The following DARS1 variants were observed in gnomAD, a reference collection of about 807,000 sequenced individuals.
DARS1 encodes the protein aspartate--tRNA ligase, cytoplasmic.
Under a neutral mutation model 68.8 loss-of-function variants are expected in DARS1, and 51 were observed. The observed-to-expected ratio is 0.74, with a 90% CI of 0.59 to 0.94. The LOEUF is 0.94. DARS1 is among the 40% of genes least tolerant of loss of function. The pLI is 0.00. For missense variants in DARS1, 607 were observed against 597.3 expected, an observed-to-expected ratio of 1.02 and a Z score of -0.17; for synonymous variants, 203 against 190.4, an observed-to-expected ratio of 1.07 and a Z score of -0.55.
intron 3 of DARS1, among the ~76,000 whole-genome samples, chr2:135,977,087 C>T (rs1682517897): frequency 6.6e-6 from 1 of 152,100 alleles, no homozygotes; most frequent in African/African-American, 2.4e-5. Flanking sequence ...GGAAATAAGA[C>T]CCACAAAAAA....
chr2:135,949,324 G>A (rs1681795125), intron 4 of DARS1, among the ~76,000 whole-genome samples: 1 of 151,892 alleles, frequency 6.6e-6, no homozygotes, highest in African/African-American at 2.4e-5. Flanking sequence ...ATACAAAAAG[G>A]CCTCCAGGAC....
chr2:135,953,668 T>C (rs1004961135), intron 4 of DARS1, among the ~76,000 whole-genome samples: 1 of 152,156 alleles, frequency 6.6e-6, no homozygotes, highest in Admixed American at 6.6e-5. Context: ...ACTGAAAACA[T>C]GAAACTCTCT....
chr2:135,936,980 G>T (rs1274043671), intron 5 of DARS1, among the ~76,000 whole-genome samples: 2 of 152,198 alleles, frequency 1.3e-5, no homozygotes, highest in African/African-American at 4.8e-5. Flanking sequence ...CTCCTTAAGA[G>T]AAATTTAGTG....
At chr2:135,961,249 T>G in intron 4 of DARS1, 147 bp downstream of exon 4, 1 of 598,922 alleles carries the variant, frequency 1.7e-6, no homozygotes, top group Non-Finnish European at 3.0e-6. Flanking sequence ...GTTTAATGTA[T>G]TCAGCAACAC....
At chr2:135,967,313 T>C (rs1682259162) in intron 3 of DARS1, among the ~76,000 whole-genome samples, 1 of 152,228 alleles carries the variant, frequency 6.6e-6, no homozygotes, top group Non-Finnish European at 1.5e-5. Flanking sequence ...CCTGCATAGA[T>C]TTAAGTTGAA....
intron 5 of DARS1, among the ~76,000 whole-genome samples, chr2:135,940,556 C>T (rs1681573334): frequency 1.3e-5 from 2 of 152,150 alleles, no homozygotes; most frequent in Admixed American, 1.3e-4. Flanking sequence ...CAATATCATA[C>T]TGAATGGTCA....
At chr2:135,907,807 A>G (rs1023956361) in intron 15 of DARS1, among the ~76,000 whole-genome samples, 54 of 152,370 alleles carry the variant, frequency 3.5e-4, no homozygotes, top group African/African-American at 1.3e-3. Context: ...AAGCAATAAT[A>G]GAAGTATGAG....
intron 3 of DARS1, among the ~76,000 whole-genome samples, chr2:135,974,964 G>T (rs1266240347): frequency 2.0e-5 from 3 of 151,486 alleles, no homozygotes; most frequent in Non-Finnish European, 4.4e-5. Flanking sequence ...AGCAACAATG[G>T]ATAAATCTGA....
chr2:135,973,474 CA>C (rs59584448), intron 3 of DARS1, among the ~76,000 whole-genome samples: 261 of 140,708 alleles, frequency 1.9e-3, no homozygotes, highest in African/African-American at 2.9e-3. Flanking sequence ...TAATGGGTAC[CA>C]AAAAAAAAAA....
intron 4 of DARS1, among the ~76,000 whole-genome samples, chr2:135,954,143 C>A (rs1041342029): frequency 6.6e-6 from 1 of 151,628 alleles, no homozygotes; most frequent in South Asian, 2.1e-4. Context: ...AAACTGTATT[C>A]TAAATGGAGC....
intron 15 of DARS1, among the ~76,000 whole-genome samples, chr2:135,910,523 G>T (rs1005102110): frequency 6.6e-6 from 1 of 152,036 alleles, no homozygotes; most frequent in African/African-American, 2.4e-5. Flanking sequence ...TTAGGTAAGG[G>T]TCTAATTTCA....
At chr2:135,921,587 T>C (rs1359311648) in intron 9 of DARS1, among the ~76,000 whole-genome samples, 1 of 152,210 alleles carries the variant, frequency 6.6e-6, no homozygotes, top group Non-Finnish European at 1.5e-5. Context: ...TCATTCATTG[T>C]GAAAATTATT....
rs537867299 is a variant in DARS1, at chr2:135,917,792, G to A, written c.960-1420C>T. Reference sequence around the variant, plus strand: ...TGCCCGGCCTAGAATTTATATTCTCGAAATTAAAACACTATCATTTCTTGA... The same window carrying A: ...TGCCCGGCCTAGAATTTATATTCTCAAAATTAAAACACTATCATTTCTTGA... On this transcript the variant is annotated intron_variant, in intron 10 of 15. Transcript: ENST00000264161. Among the ~76,000 whole-genome samples, 12 of 152,154 alleles carry A rather than the reference G, an allele frequency of 7.9e-5. 3 individuals are homozygous for A. Among genetic ancestry groups the A allele is most frequent in the African/African-American group, 1.7e-4 (7 of 41,508 alleles).
chr2:135,932,130 A>AG lies in DARS1; in HGVS notation c.564+652dup, dbSNP rs1156484229. Among the ~76,000 whole-genome samples the AG allele has an allele frequency of 2.0e-5, 3 of 152,350 alleles. No homozygotes were observed. The East Asian group carries it at 5.8e-4, about 29-fold the overall frequency. On this transcript the variant is annotated intron_variant, in intron 7 of 15. Transcript: ENST00000264161. ...AATAAGGGTAGACTCACATGATGGT[A>AG]GAATAGCCAAGAAGAACTCTTAAGG... is the stretch of plus-strand genomic sequence containing the variant.
chr2:135,915,418 T>A (rs951442154), intron 11 of DARS1, among the ~76,000 whole-genome samples: 1 of 152,266 alleles, frequency 6.6e-6, no homozygotes. Flanking sequence ...TCTGGAGTAG[T>A]TGGGACTACA....
At chr2:135,937,476 C>T (rs1681495475) in intron 5 of DARS1, among the ~76,000 whole-genome samples, 1 of 152,056 alleles carries the variant, frequency 6.6e-6, no homozygotes, top group Non-Finnish European at 1.5e-5. Context: ...TTTGACTTCT[C>T]TATGTTGTAA....
At chr2:135,960,597 A>T (rs1411403582) in intron 4 of DARS1, among the ~76,000 whole-genome samples, 1 of 152,242 alleles carries the variant, frequency 6.6e-6, no homozygotes, top group Admixed American at 6.5e-5. Context: ...CTTACACACT[A>T]TGAAATTACT....
At chr2:135,962,571 A>T (rs1682123927) in intron 3 of DARS1, among the ~76,000 whole-genome samples, 1 of 152,270 alleles carries the variant, frequency 6.6e-6, no homozygotes, top group South Asian at 2.1e-4. Context: ...CAAATCAGAT[A>T]GCAATCACAA....
At chr2:135,980,464 T>C (rs979612044) in intron 2 of DARS1, 4 of 152,194 alleles carry the variant, frequency 2.6e-5, no homozygotes, top group Non-Finnish European at 5.9e-5. Flanking sequence ...AATTTGCCTA[T>C]TGAAGAAAAG....
Sources: gnomAD v4.1 joint callset for allele counts (sites outside exome capture counted in the v4.1 genomes callset) on GRCh38, gnomAD v4.1.1 for gene constraint, MANE v1.5 for transcripts, NCBI Gene and HGNC (gene_info 2026-07-23, HGNC 2026-07-21) for gene names.